The following LCE4A variants were observed in gnomAD, a reference collection of about 807,000 sequenced individuals.
The protein encoded by LCE4A is late cornified envelope 4A.
For synonymous variants in LCE4A, 41 were observed against 42.3 expected (o/e 0.97, Z 0.12); for missense variants, 110 against 111.3 (o/e 0.99, Z 0.05).
chr1:152,709,062 G>T lies in LCE4A; in HGVS notation c.-14G>T. 1.2e-6 allele frequency: 2 copies of T among 1,604,188 alleles called. No homozygotes were observed. Among genetic ancestry groups the T allele is most frequent in the Non-Finnish European group, 1.7e-6 (2 of 1,173,910 alleles). On this transcript the variant is annotated 5_prime_UTR_variant, in exon 2 of 2. Coordinates refer to ENST00000368777, the MANE Select transcript of LCE4A (RefSeq NM_001387222.1). ...TTCTATTTTGTCATTCAGGTTTATC[G>T]AAATCCCACCAAGATGTCCTGCCAG... is the stretch of plus-strand genomic sequence containing the variant.
At position 152,709,349 on chromosome 1, in the gene LCE4A, T is replaced by A; in HGVS notation, c.274T>A (p.Cys92Ser). 1 of 1,601,720 alleles carries A rather than the reference T, an allele frequency of 6.2e-7. No homozygotes were observed. The highest frequency in any genetic ancestry group is 1.3e-5 in the African/African-American group (1 of 74,870). ...GSGQQSGGSG[C>S]CSGGGCC is the part of the protein sequence containing the mutation. ...TGGCCAGCAGTCTGGGGGTTCTGGC[T>A]GCTGCTCTGGAGGGGGCTGTTGCTG... The change falls in exon 2 of 2, where the codon TGC becomes AGC. Residue 92 changes from cysteine (C) to serine (S), a missense_variant. Coordinates refer to ENST00000368777, the MANE Select transcript of LCE4A (RefSeq NM_001387222.1).
chr1:152,708,791 C>T (rs778465559), intron 1 of LCE4A, among the ~76,000 whole-genome samples: 1 of 152,158 alleles, frequency 6.6e-6, no homozygotes, highest in Non-Finnish European at 1.5e-5. Context: ...ATGTATTTAA[C>T]ATGTCTTTGA....
In LCE4A at chr1:152,709,106, C is replaced by T; in HGVS notation, c.31C>T (p.Gln11Ter). 7 of 1,613,500 alleles carry T rather than the reference C, an allele frequency of 4.3e-6. No homozygotes were observed. The highest frequency in any genetic ancestry group is 5.9e-6 in the Non-Finnish European group (7 of 1,179,648). Residue 11 changes from glutamine (Q) to a stop codon, truncating the protein, a stop_gained, in exon 2 of 2, where the codon CAG becomes TAG. Coordinates refer to ENST00000368777, the MANE Select transcript of LCE4A (RefSeq NM_001387222.1). LOFTEE classifies it low-confidence loss of function (END_TRUNC). MSCQQNQQQCQPPPKCPIPKY... is the reference protein window; with the variant it reads MSCQQNQQQC Reference sequence around the variant, plus strand: ...CTGCCAGCAGAACCAACAGCAGTGCCAGCCCCCTCCCAAGTGTCCTATCCC... The same window carrying T: ...CTGCCAGCAGAACCAACAGCAGTGCTAGCCCCCTCCCAAGTGTCCTATCCC...
At chr1:152,708,992 T>TAA in intron 1 of LCE4A, 63 bp from the exon 2 acceptor site, 2 of 1,102,592 alleles carry the variant, frequency 1.8e-6, no homozygotes, top group South Asian at 1.5e-5. Context: ...GATTTTAAAA[T>TAA]AAAAAAAAAT....
chr1:152,708,975 G>A (rs1649735041), intron 1 of LCE4A, 80 bp from the exon 2 acceptor site: 1 of 863,954 alleles, frequency 1.2e-6, no homozygotes, highest in Admixed American at 2.3e-5. Context: ...TCATCACCTT[G>A]GGGGAGGATT....
chr1:152,709,053 A>G lies in LCE4A; in HGVS notation c.-21-2A>G. The G allele has an allele frequency of 2.5e-6, 4 of 1,585,166 alleles. No homozygotes were observed. The highest frequency in any genetic ancestry group is 1.7e-6 in the Non-Finnish European group (2 of 1,159,718). ...TGTATATGTTTCTATTTTGTCATTC[A>G]GGTTTATCGAAATCCCACCAAGATG... On this transcript the variant is annotated splice_acceptor_variant, in intron 1 of 1. Transcript: ENST00000368777. LOFTEE classifies it low-confidence loss of function (5UTR_SPLICE).
chr1:152,708,292 C>T lies in LCE4A; in HGVS notation c.-124C>T, dbSNP rs1408209414. 1 of 152,364 alleles carries T rather than the reference C, an allele frequency of 6.6e-6. No individual in the cohort carries two copies. Among genetic ancestry groups the T allele is most frequent in the Non-Finnish European group, 1.5e-5 (1 of 68,138 alleles). The allele number at this position is 152,364 out of a possible 1,614,324, so 9.4% of individuals were successfully genotyped here. ...TGCTCCTGCCATTAGCATGGCTCATCCGAGGCCCAGCCCCAGGATCCATAC... is the reference window on the plus strand; with the variant it reads ...TGCTCCTGCCATTAGCATGGCTCATTCGAGGCCCAGCCCCAGGATCCATAC... On this transcript the variant is annotated 5_prime_UTR_variant, in exon 1 of 2. Transcript: ENST00000368777.
chr1:152,708,421 G>A (rs1649723471), intron 1 of LCE4A, 27 bp downstream of exon 1: 1 of 152,446 alleles, frequency 6.6e-6, no homozygotes, highest in African/African-American at 2.4e-5. Context: ...GAATCCAGAG[G>A]GGGACGCTAG....
Position 152,709,400 on chromosome 1 carries a change from G to C in LCE4A, c.*25G>C. Reference sequence around the variant, plus strand: ...ACCTGGACCAGGAGCAGCACCAAAGGAATTAGTGGGCGAAGGACCCATTGC... The same window carrying C: ...ACCTGGACCAGGAGCAGCACCAAAGCAATTAGTGGGCGAAGGACCCATTGC... On this transcript the variant is annotated 3_prime_UTR_variant, in exon 2 of 2. Coordinates refer to ENST00000368777, the MANE Select transcript of LCE4A (RefSeq NM_001387222.1). The C allele has an allele frequency of 6.6e-7, 1 of 1,525,788 alleles. No individual in the cohort carries two copies. Among genetic ancestry groups the C allele is most frequent in the Non-Finnish European group, 8.8e-7 (1 of 1,136,414 alleles). 94.5% of individuals were successfully genotyped at this position (1,525,788 alleles called of 1,614,324 possible). A position where few individuals can be genotyped will look rare whatever the true frequency, so the allele number is the denominator to read the frequency against.
chr1:152,709,403 T>G lies in LCE4A; in HGVS notation c.*28T>G. The G allele has an allele frequency of 1.3e-6, 2 of 1,524,396 alleles. No individual in the cohort carries two copies. Among genetic ancestry groups the G allele is most frequent in the Non-Finnish European group, 1.8e-6 (2 of 1,135,628 alleles). The allele number at this position is 1,524,396 out of a possible 1,614,324, so 94.4% of individuals were successfully genotyped here. A position where few individuals can be genotyped will look rare whatever the true frequency, so the allele number is the denominator to read the frequency against. On this transcript the variant is annotated 3_prime_UTR_variant, in exon 2 of 2. Coordinates refer to ENST00000368777, the MANE Select transcript of LCE4A (RefSeq NM_001387222.1). Reference sequence around the variant, plus strand: ...TGGACCAGGAGCAGCACCAAAGGAATTAGTGGGCGAAGGACCCATTGCAGC... The same window carrying G: ...TGGACCAGGAGCAGCACCAAAGGAAGTAGTGGGCGAAGGACCCATTGCAGC...
In LCE4A at chr1:152,709,358, G is replaced by T. The variant is rs774906893; in HGVS notation, c.283G>T (p.Gly95Ter). The T allele has an allele frequency of 7.5e-6, 12 of 1,591,912 alleles. No individual in the cohort carries two copies. The highest frequency in any genetic ancestry group is 1.7e-5 in the Admixed American group (1 of 58,282). Reference protein sequence around the residue: ...QQSGGSGCCSGGGCC With the variant: ...QQSGGSGCCS ...GTCTGGGGGTTCTGGCTGCTGCTCT[G>T]GAGGGGGCTGTTGCTGACCTGGACC... Residue 95 changes from glycine to a stop codon, truncating the protein, a stop_gained, in exon 2 of 2, where the codon GGA (glycine) becomes TGA (stop). Coordinates refer to ENST00000368777, the MANE Select transcript of LCE4A (RefSeq NM_001387222.1). LOFTEE classifies it high-confidence loss of function.
intron 1 of LCE4A, among the ~76,000 whole-genome samples, chr1:152,708,635 G>A (rs565432508): frequency 2.6e-5 from 4 of 152,262 alleles, no homozygotes; most frequent in African/African-American, 9.6e-5. Context: ...CCCTACCAAT[G>A]GTTGGCCTGC....
chr1:152,709,389 C>T lies in LCE4A; in HGVS notation c.*14C>T, dbSNP rs758286670. On this transcript the variant is annotated 3_prime_UTR_variant, in exon 2 of 2. Coordinates refer to ENST00000368777, the MANE Select transcript of LCE4A (RefSeq NM_001387222.1). ...GGCTGTTGCTGACCTGGACCAGGAG[C>T]AGCACCAAAGGAATTAGTGGGCGAA... 3.3e-5 allele frequency: 51 copies of T among 1,542,882 alleles called. No individual in the cohort carries two copies. Among genetic ancestry groups the T allele is most frequent in the Non-Finnish European group, 3.2e-5 (37 of 1,144,866 alleles).
In LCE4A at chr1:152,709,247, T is replaced by C. The variant is rs1649748299; in HGVS notation, c.172T>C (p.Cys58Arg). ...CGCCSSEGGG[C>R]CLSHHRHHRS... ...TTGCTGCAGCTCTGAGGGAGGTGGC[T>C]GCTGCCTGAGCCACCACAGACACCA... Residue 58 changes from cysteine to arginine, a missense_variant, in exon 2 of 2, where the codon TGC (cysteine) becomes CGC (arginine). Cys to Arg is a radical substitution (Grantham distance 180). Transcript: ENST00000368777. 1 of 1,255,216 alleles carries C rather than the reference T, an allele frequency of 8.0e-7. No individual in the cohort carries two copies. Among genetic ancestry groups the C allele is most frequent in the Admixed American group, 2.5e-5 (1 of 39,362 alleles). The allele number at this position is 1,255,216 out of a possible 1,614,324, so 77.8% of individuals were successfully genotyped here. A position where few individuals can be genotyped will look rare whatever the true frequency, so the allele number is the denominator to read the frequency against.
At chr1:152,709,013 T>C (rs1649735841) in intron 1 of LCE4A, 42 bp from the exon 2 acceptor site, 1 of 1,284,664 alleles carries the variant, frequency 7.8e-7, no homozygotes, top group Non-Finnish European at 1.1e-6. Flanking sequence ...GTAATGGCTC[T>C]TGATATTAAG....
chr1:152,708,619 C>T (rs982513529), intron 1 of LCE4A, among the ~76,000 whole-genome samples: 4 of 152,140 alleles, frequency 2.6e-5, no homozygotes, highest in Non-Finnish European at 5.9e-5. Context: ...CCTGGGATTG[C>T]TACATCCCTA....
In LCE4A at chr1:152,709,061, C is replaced by T. The variant is rs144247009; in HGVS notation, c.-15C>T. 3,780 of 1,604,558 alleles carry T rather than the reference C, an allele frequency of 2.4e-3. 122 individuals are homozygous for T. In the Admixed American group the frequency reaches 0.054, roughly 23 times the overall value. On this transcript the variant is annotated 5_prime_UTR_variant, in exon 2 of 2. The change creates a premature stop within an existing upstream ORF in the 5' untranslated region. Coordinates refer to ENST00000368777, the MANE Select transcript of LCE4A (RefSeq NM_001387222.1). ...TTTCTATTTTGTCATTCAGGTTTAT[C>T]GAAATCCCACCAAGATGTCCTGCCA...
chr1:152,709,388 G>A lies in LCE4A; in HGVS notation c.*13G>A. 6.5e-7 allele frequency: 1 copy of A among 1,543,914 alleles called. No homozygotes were observed. The highest frequency in any genetic ancestry group is 8.7e-7 in the Non-Finnish European group (1 of 1,145,300). ...GGGCTGTTGCTGACCTGGACCAGGA[G>A]CAGCACCAAAGGAATTAGTGGGCGA... On this transcript the variant is annotated 3_prime_UTR_variant, in exon 2 of 2. Transcript: ENST00000368777.
chr1:152,709,410 G>A lies in LCE4A; in HGVS notation c.*35G>A. 6.6e-7 allele frequency: 1 copy of A among 1,509,338 alleles called. No homozygotes were observed. Among genetic ancestry groups the A allele is most frequent in the Non-Finnish European group, 8.9e-7 (1 of 1,126,660 alleles). The allele number at this position is 1,509,338 out of a possible 1,614,324, so 93.5% of individuals were successfully genotyped here. On this transcript the variant is annotated 3_prime_UTR_variant, in exon 2 of 2. Coordinates refer to ENST00000368777, the MANE Select transcript of LCE4A (RefSeq NM_001387222.1). The stretch of plus-strand genomic sequence containing the variant: ...GGAGCAGCACCAAAGGAATTAGTGG[G>A]CGAAGGACCCATTGCAGCCTGGTGT...
Sources: gnomAD v4.1 joint callset for allele counts (sites outside exome capture counted in the v4.1 genomes callset) on GRCh38, gnomAD v4.1.1 for gene constraint, MANE v1.5 for transcripts, NCBI Gene and HGNC (gene_info 2026-07-23, HGNC 2026-07-21) for gene names.